TAS2R1: variants seen among roughly 807,000 people sequenced by gnomAD.
The protein encoded by TAS2R1 is taste receptor type 2 member 1.
For synonymous variants in TAS2R1, 141 were observed against 134.2 expected (o/e 1.05, Z -0.35); for missense variants, 370 against 353.4 (o/e 1.05, Z -0.38).
the TAS2R1 span, among the ~76,000 whole-genome samples, chr5:9,781,178 A>G: frequency 1.3e-5 from 2 of 152,262 alleles, no homozygotes; most frequent in South Asian, 4.2e-4. Context: ...CTTACTCAAT[A>G]TCTCCACTTG....
chr5:9,633,018 T>C (rs1408586475), upstream of TAS2R1, among the ~76,000 whole-genome samples: 2 of 151,978 alleles, frequency 1.3e-5, no homozygotes, highest in African/African-American at 4.8e-5. Context: ...TGTAGCCTTA[T>C]GAAAAGTATT....
intron 1 of TAS2R1, among the ~76,000 whole-genome samples, chr5:9,709,012 T>C (rs1412457298): frequency 6.6e-6 from 1 of 151,954 alleles, no homozygotes; most frequent in Non-Finnish European, 1.5e-5. Context: ...GAAGTGAGAG[T>C]GCCTTTATCC....
chr5:9,804,404 AT>A, the TAS2R1 span, among the ~76,000 whole-genome samples: 1 of 152,174 alleles, frequency 6.6e-6, no homozygotes, highest in Non-Finnish European at 1.5e-5. Flanking sequence ...CTTAACAGAT[AT>A]TTACAGAACA....
chr5:9,802,793 C>T, the TAS2R1 span, among the ~76,000 whole-genome samples: 22 of 152,242 alleles, frequency 1.4e-4, no homozygotes, highest in African/African-American at 4.8e-4. Context: ...GTCCCAGCTA[C>T]TCGGGTGGCT....
At position 9,627,849 on chromosome 5, in the gene TAS2R1, C is replaced by G. The variant is rs1330230784; in HGVS notation, c.*1284G>C. Reference sequence around the variant, plus strand: ...TTGAGAGTACACTCAGAGCTTAGTTCCCATGCCCAAGAAGATAAGTACGTC... The same window carrying G: ...TTGAGAGTACACTCAGAGCTTAGTTGCCATGCCCAAGAAGATAAGTACGTC... On this transcript the variant is annotated 3_prime_UTR_variant, in exon 1 of 1. Coordinates refer to ENST00000382492, the MANE Select transcript of TAS2R1 (RefSeq NM_019599.3). 6.6e-6 allele frequency among the ~76,000 whole-genome samples: 1 copy of G among 152,132 alleles called. No homozygotes were observed. Among genetic ancestry groups the G allele is most frequent in the African/African-American group, 2.4e-5 (1 of 41,456 alleles).
At chr5:9,771,100 A>C in the TAS2R1 span, among the ~76,000 whole-genome samples, 8 of 152,178 alleles carry the variant, frequency 5.3e-5, no homozygotes, top group African/African-American at 1.7e-4. Flanking sequence ...GGTATTTATC[A>C]TGAAGGGATG....
the TAS2R1 span, among the ~76,000 whole-genome samples, chr5:9,789,386 T>C: frequency 2.0e-5 from 3 of 152,206 alleles, no homozygotes; most frequent in Non-Finnish European, 4.4e-5. Flanking sequence ...CGTGCGCAGA[T>C]CCTTCGACAG....
At chr5:9,818,485 T>C in the TAS2R1 span, among the ~76,000 whole-genome samples, 1 of 152,194 alleles carries the variant, frequency 6.6e-6, no homozygotes, top group East Asian at 1.9e-4. Context: ...ATGTGGCTCA[T>C]GTATACAGGT....
the TAS2R1 span, among the ~76,000 whole-genome samples, chr5:9,777,898 G>C: frequency 7.6e-6 from 1 of 130,826 alleles, no homozygotes; most frequent in Admixed American, 8.7e-5. Context: ...TTTTGAGACG[G>C]AGTCTTGCTC....
the TAS2R1 span, among the ~76,000 whole-genome samples, chr5:9,872,171 A>G: frequency 6.6e-6 from 1 of 152,244 alleles, no homozygotes; most frequent in South Asian, 2.1e-4. Flanking sequence ...AAATTAAAGC[A>G]AAATATTATC....
chr5:9,707,471 T>C lies in TAS2R1; in HGVS notation c.-242+4701A>G, dbSNP rs112618600. The stretch of plus-strand genomic sequence containing the variant: ...ACACAGCCAGAGCAAAGTGCTGATG[T>C]TGGGAGTTCAAGACCAGCCTGGCCA... On this transcript the variant is annotated intron_variant, in intron 1 of 2. Transcript: ENST00000506620. 7.4e-3 allele frequency among the ~76,000 whole-genome samples: 1,134 copies of C among 152,272 alleles called. 8 individuals carry two copies. The highest frequency in any genetic ancestry group is 0.025 in the African/African-American group (1,032 of 41,554).
chr5:9,758,213 C>G, the TAS2R1 span, among the ~76,000 whole-genome samples: 5 of 152,122 alleles, frequency 3.3e-5, no homozygotes, highest in Admixed American at 2.6e-4. Flanking sequence ...GTAATTAGAA[C>G]AAAGCTCTTT....
chr5:9,789,549 T>C, the TAS2R1 span, among the ~76,000 whole-genome samples: 1 of 152,212 alleles, frequency 6.6e-6, no homozygotes, highest in Non-Finnish European at 1.5e-5. Flanking sequence ...CAGATTTTCA[T>C]TTTTCAAATG....
At chr5:9,710,550 C>T (rs537980785) in intron 1 of TAS2R1, among the ~76,000 whole-genome samples, 15 of 152,144 alleles carry the variant, frequency 9.9e-5, no homozygotes, top group South Asian at 4.2e-4. Context: ...AAAAGGTTTC[C>T]GCACACCTAA....
At chr5:9,779,620 T>C in the TAS2R1 span, among the ~76,000 whole-genome samples, 4 of 152,206 alleles carry the variant, frequency 2.6e-5, no homozygotes, top group Non-Finnish European at 5.9e-5. Flanking sequence ...ATTTATTGCT[T>C]ACATTTGATG....
In TAS2R1 at chr5:9,656,298, A is replaced by C. The variant is rs77354253; in HGVS notation, c.-81+3123T>G. 7.1e-3 allele frequency among the ~76,000 whole-genome samples: 1,079 copies of C among 152,336 alleles called. 10 individuals are homozygous for C. The highest frequency in any genetic ancestry group is 0.024 in the African/African-American group (1,009 of 41,574). On this transcript the variant is annotated intron_variant, in intron 2 of 2. Coordinates refer to the TAS2R1 transcript ENST00000506620. ...TTCACTCACTACTGGTAGAAGCATAAACAGTTATAATGTTTTCTGAAGATG... is the reference window on the plus strand; with the variant it reads ...TTCACTCACTACTGGTAGAAGCATACACAGTTATAATGTTTTCTGAAGATG...
At position 9,629,213 on chromosome 5, in the gene TAS2R1, A is replaced by C. The variant is rs781200605; in HGVS notation, c.820T>G (p.Ser274Ala). ...LVIGIYPSGH[S>A]LILILGNPKL... ...GGATTTCCTAAAATTAAGATGAGAG[A>C]GTGTCCAGAAGGGTATATACCAATC... The change falls in exon 1 of 1, where the codon TCT (serine) becomes GCT (alanine). Residue 274 changes from serine (S) to alanine (A), a missense_variant. Transcript: ENST00000382492. 5 of 1,602,282 alleles carry C rather than the reference A, an allele frequency of 3.1e-6. No individual in the cohort carries two copies. The African/African-American group carries it at 6.7e-5, about 22-fold the overall frequency.
At chr5:9,763,118 C>T in the TAS2R1 span, among the ~76,000 whole-genome samples, 377 of 152,224 alleles carry the variant, frequency 2.5e-3, 2 homozygotes, top group African/African-American at 8.4e-3. Context: ...ACTTTGTTTA[C>T]GCTTAACCTT....
At chr5:9,718,063 A>G in the TAS2R1 span, among the ~76,000 whole-genome samples, 1 of 151,890 alleles carries the variant, frequency 6.6e-6, no homozygotes, top group Non-Finnish European at 1.5e-5. Flanking sequence ...GGGTTCAAGC[A>G]ATTCTCCTGC....
Sources: allele counts gnomAD v4.1 joint callset (sites outside exome capture counted in the v4.1 genomes callset), GRCh38; gene constraint gnomAD v4.1.1; transcripts MANE v1.5; gene names NCBI Gene and HGNC (gene_info 2026-07-23, HGNC 2026-07-21).